Variants in CCDC192 observed in about 807,000 individuals in gnomAD.
CCDC192 encodes coiled-coil domain-containing protein 192.
chr5:127,721,596 T>G (rs1398066910), intron 2 of CCDC192, among the ~76,000 whole-genome samples: 1 of 152,206 alleles, frequency 6.6e-6, no homozygotes, highest in African/African-American at 2.4e-5. Flanking sequence ...CCAAAGCTGC[T>G]TCCACATTTT....
intron 5 of CCDC192, among the ~76,000 whole-genome samples, chr5:127,861,695 A>T (rs1346634944): frequency 1.3e-5 from 2 of 152,086 alleles, no homozygotes; most frequent in African/African-American, 4.8e-5. Flanking sequence ...TCTCTGTTCC[A>T]CACCTCACTT....
At chr5:127,707,788 T>A in intron 2 of CCDC192, 28 bp downstream of exon 2, 1 of 398,382 alleles carries the variant, frequency 2.5e-6, no homozygotes, top group Non-Finnish European at 4.4e-6. Context: ...TATGAATTCT[T>A]TATTTAAAAA....
intron 2 of CCDC192, among the ~76,000 whole-genome samples, chr5:127,742,877 G>T (rs1365653885): frequency 6.6e-6 from 1 of 152,072 alleles, no homozygotes; most frequent in Non-Finnish European, 1.5e-5. Flanking sequence ...TTGCTGGTTG[G>T]CACAAATGTT....
rs1752504769 is a variant in CCDC192, at chr5:127,884,885, G to A, written c.535+9224G>A. ...ACTTATTTAGGTCCTTCCTTTGCGA[G>A]AGGTCTGGAAATCTATTTATTTTGT... is the stretch of plus-strand genomic sequence containing the variant. On this transcript the variant is annotated intron_variant, in intron 6 of 6. Transcript: ENST00000514853. Among the ~76,000 whole-genome samples the A allele has an allele frequency of 2.0e-5, 3 of 152,066 alleles. No homozygotes were observed. In the South Asian group the frequency reaches 6.2e-4, roughly 32 times the overall value.
intron 3 of CCDC192, among the ~76,000 whole-genome samples, chr5:127,768,249 C>A (rs1484491025): frequency 6.6e-6 from 1 of 151,536 alleles, no homozygotes; most frequent in South Asian, 2.1e-4. Context: ...GAGACTCCAT[C>A]TCAAAAAATA....
At chr5:127,730,578 T>C (rs1471600556) in intron 2 of CCDC192, among the ~76,000 whole-genome samples, 2 of 151,196 alleles carry the variant, frequency 1.3e-5, no homozygotes, top group East Asian at 1.9e-4. Flanking sequence ...AAAAAAACTT[T>C]AGGCCAATAT....
chr5:127,760,070 A>G (rs922298542), intron 3 of CCDC192, among the ~76,000 whole-genome samples: 1 of 152,196 alleles, frequency 6.6e-6, no homozygotes, highest in Non-Finnish European at 1.5e-5. Context: ...CATACCTAGC[A>G]AAATATAGTT....
intron 5 of CCDC192, among the ~76,000 whole-genome samples, chr5:127,858,677 C>T (rs777489439): frequency 4.6e-5 from 7 of 152,174 alleles, no homozygotes; most frequent in African/African-American, 7.2e-5. Context: ...CTTCATACAT[C>T]GCTGCATGAG....
chr5:127,895,739 C>T (rs1752861629), intron 6 of CCDC192, among the ~76,000 whole-genome samples: 1 of 151,764 alleles, frequency 6.6e-6, no homozygotes, highest in Non-Finnish European at 1.5e-5. Flanking sequence ...ACTCAGGAGG[C>T]TGAGGTGGGG....
chr5:127,900,522 T>C (rs980885653), intron 6 of CCDC192, among the ~76,000 whole-genome samples: 9 of 152,214 alleles, frequency 5.9e-5, no homozygotes, highest in Non-Finnish European at 7.4e-5. Flanking sequence ...TAACCCACTT[T>C]TGAAGGTCAG....
chr5:127,785,975 C>G (rs542321038), intron 3 of CCDC192: 2 of 547,926 alleles, frequency 3.7e-6, no homozygotes, highest in Admixed American at 5.4e-5. Context: ...TCATTTAAAG[C>G]AGCTTCTCCA....
At chr5:127,892,579 G>A (rs1189131228) in intron 6 of CCDC192, among the ~76,000 whole-genome samples, 1 of 152,178 alleles carries the variant, frequency 6.6e-6, no homozygotes, top group African/African-American at 2.4e-5. Context: ...TGATGTGGAA[G>A]AAATTTTAAA....
chr5:127,719,476 CAT>C (rs71575703), intron 2 of CCDC192, among the ~76,000 whole-genome samples: 30,289 of 126,682 alleles, frequency 0.24, 4,225 homozygotes, highest in South Asian at 0.31. Context: ...CAGACACATA[CAT>C]ATATATATAT....
chr5:127,891,255 T>C (rs560325868), intron 6 of CCDC192, among the ~76,000 whole-genome samples: 1 of 152,202 alleles, frequency 6.6e-6, no homozygotes, highest in South Asian at 2.1e-4. Flanking sequence ...GGTTTTGCCA[T>C]GTTGGCCGGG....
chr5:127,819,481 G>A (rs1749187083), intron 5 of CCDC192, among the ~76,000 whole-genome samples: 4 of 152,052 alleles, frequency 2.6e-5, no homozygotes, highest in Admixed American at 2.6e-4. Context: ...ATCTGGCAGG[G>A]TGGAGTCAGT....
At chr5:127,786,177 A>G in intron 3 of CCDC192, 1 of 936,476 alleles carries the variant, frequency 1.1e-6, no homozygotes, top group Non-Finnish European at 1.7e-6. Context: ...GGACTTTCTC[A>G]CATTTCCTTG....
At chr5:127,933,475 G>A (rs1754105236) in intron 6 of CCDC192, among the ~76,000 whole-genome samples, 1 of 152,220 alleles carries the variant, frequency 6.6e-6, no homozygotes. Context: ...ATAGGAATCT[G>A]TATTTCTCTT....
chr5:127,867,425 A>T (rs1371818357), intron 5 of CCDC192, among the ~76,000 whole-genome samples: 1 of 152,228 alleles, frequency 6.6e-6, no homozygotes, highest in Non-Finnish European at 1.5e-5. Flanking sequence ...CTTTTCCACC[A>T]CTTGTAAATT....
intron 6 of CCDC192, among the ~76,000 whole-genome samples, chr5:127,931,144 G>A (rs1237731405): frequency 1.3e-5 from 2 of 152,138 alleles, no homozygotes; most frequent in Admixed American, 6.5e-5. Flanking sequence ...AAGCTGGGGA[G>A]TCACTGTGCT....
Sources: gnomAD v4.1 joint callset for allele counts (sites outside exome capture counted in the v4.1 genomes callset) on GRCh38, gnomAD v4.1.1 for gene constraint, MANE v1.5 for transcripts, NCBI Gene and HGNC (gene_info 2026-07-23, HGNC 2026-07-21) for gene names.